The following MAN1C1 variants were observed in gnomAD, a reference collection of about 807,000 sequenced individuals.
MAN1C1 encodes the protein mannosyl-oligosaccharide 1,2-alpha-mannosidase IC.
Under a neutral mutation model 71.5 loss-of-function variants are expected in MAN1C1, and 49 were observed. The ratio of observed to expected loss-of-function variants is 0.69; its 90% confidence interval spans 0.54 to 0.87. The LOEUF is 0.87. Among genes scored for constraint, MAN1C1 ranks in the 40% least tolerant of loss-of-function variants. The probability of loss-of-function intolerance (pLI) is 0.00; values close to 1 mark genes in which losing one functional copy is unlikely to be tolerated. For missense variants in MAN1C1, 743 were observed against 835.0 expected, an observed-to-expected ratio of 0.89 and a Z score of 1.36; for synonymous variants, 352 against 343.7, an observed-to-expected ratio of 1.02 and a Z score of -0.27.
intron 2 of MAN1C1, among the ~76,000 whole-genome samples, chr1:25,742,736 A>G (rs997901898): frequency 7.9e-5 from 12 of 152,192 alleles, no homozygotes; most frequent in Non-Finnish European, 1.6e-4. Context: ...GGCTTGCCCT[A>G]TTGCACAGCT....
At position 25,753,872 on chromosome 1, in the gene MAN1C1, C is replaced by T. The variant is rs2047250272; in HGVS notation, c.929+294C>T. 6.6e-6 allele frequency among the ~76,000 whole-genome samples: 1 copy of T among 152,200 alleles called. No individual in the cohort carries two copies. Among genetic ancestry groups the T allele is most frequent in the Non-Finnish European group, 1.5e-5 (1 of 68,034 alleles). Reference sequence around the variant, plus strand: ...AACCTGGGTGTCAGGGTTTAGTCCACATAAGCCTGAGCCTCCTGGGGTGGG... The same window carrying T: ...AACCTGGGTGTCAGGGTTTAGTCCATATAAGCCTGAGCCTCCTGGGGTGGG... On this transcript the variant is annotated intron_variant, in intron 5 of 11. Coordinates refer to ENST00000374332, the MANE Select transcript of MAN1C1 (RefSeq NM_020379.4). The surrounding 1 kb of genome is among the most constrained non-coding windows in gnomAD (Gnocchi z 4.9).
intron 1 of MAN1C1, among the ~76,000 whole-genome samples, chr1:25,623,195 T>G (rs2045241191): frequency 6.6e-6 from 1 of 152,132 alleles, no homozygotes; most frequent in Non-Finnish European, 1.5e-5. Flanking sequence ...GCCATACGCC[T>G]CCTCCTTCCG....
At chr1:25,703,680 TA>T (rs1233940027) in intron 2 of MAN1C1, among the ~76,000 whole-genome samples, 3 of 150,996 alleles carry the variant, frequency 2.0e-5, no homozygotes, top group East Asian at 1.9e-4. Flanking sequence ...AAACTCTGTC[TA>T]AAAAAAAAGA....
intron 4 of MAN1C1, among the ~76,000 whole-genome samples, chr1:25,752,206 T>A (rs2047225488): frequency 6.6e-6 from 1 of 152,058 alleles, no homozygotes; most frequent in Non-Finnish European, 1.5e-5. Flanking sequence ...TTTCTCTACA[T>A]CCTCTCATTT....
intron 2 of MAN1C1, among the ~76,000 whole-genome samples, chr1:25,691,869 T>C (rs985727746): frequency 6.6e-6 from 1 of 152,198 alleles, no homozygotes; most frequent in Admixed American, 6.5e-5. Context: ...CTCCTGCCAA[T>C]GGCCAATGGG....
chr1:25,763,495 A>G, intron 6 of MAN1C1: 1 of 184,788 alleles, frequency 5.4e-6, no homozygotes, highest in African/African-American at 2.4e-5. Flanking sequence ...TCAAAAAAAA[A>G]AAAAAAAAAA....
At chr1:25,744,027 C>T (rs1368131561) in intron 2 of MAN1C1, among the ~76,000 whole-genome samples, 9 of 152,210 alleles carry the variant, frequency 5.9e-5, no homozygotes, top group Non-Finnish European at 1.0e-4. Context: ...GTCCCATCCC[C>T]TCTCTGAGGT....
At chr1:25,645,779 C>T (rs2045604331) in intron 1 of MAN1C1, 1 of 152,258 alleles carries the variant, frequency 6.6e-6, no homozygotes, top group Non-Finnish European at 1.5e-5. Context: ...TCCAGATTTC[C>T]CCGATATCTG....
At chr1:25,685,076 G>C (rs1178552067) in intron 1 of MAN1C1, among the ~76,000 whole-genome samples, 6 of 152,216 alleles carry the variant, frequency 3.9e-5, no homozygotes, top group African/African-American at 1.4e-4. Context: ...GGCTTGGAGA[G>C]CCAGTATTTT....
At chr1:25,751,746 G>T (rs893601802) in intron 4 of MAN1C1, among the ~76,000 whole-genome samples, 8 of 152,220 alleles carry the variant, frequency 5.3e-5, no homozygotes, top group Non-Finnish European at 1.0e-4. Flanking sequence ...ATTTGCAGAT[G>T]AGGAAACTGA....
chr1:25,643,196 T>A (rs1440425627), intron 1 of MAN1C1, among the ~76,000 whole-genome samples: 1 of 151,828 alleles, frequency 6.6e-6, no homozygotes. Context: ...ATCCTCTTAT[T>A]TTGTCTGGCT....
chr1:25,756,336 G>A lies in MAN1C1; in HGVS notation c.930-2256G>A, dbSNP rs78257674. 1.6e-3 allele frequency among the ~76,000 whole-genome samples: 241 copies of A among 152,320 alleles called. 2 individuals are homozygous for A. Among genetic ancestry groups the A allele is most frequent in the African/African-American group, 5.6e-3 (233 of 41,582 alleles). ...GGAAGCTGGGCAGGAGAGGAAAGGC[G>A]CCCAGCCACCTGCCTGCCTCTGCCC... On this transcript the variant is annotated intron_variant, in intron 5 of 11. Transcript: ENST00000374332.
intron 1 of MAN1C1, among the ~76,000 whole-genome samples, chr1:25,680,417 A>G (rs138046995): frequency 1.1e-4 from 16 of 152,312 alleles, no homozygotes; most frequent in African/African-American, 3.8e-4. Context: ...TCAATTGTAG[A>G]AAAATTTCAT....
intron 8 of MAN1C1, chr1:25,772,114 C>A: frequency 3.9e-6 from 1 of 258,618 alleles, no homozygotes; most frequent in Non-Finnish European, 7.4e-6. Flanking sequence ...GTATCAGAGC[C>A]CAGAGTGCAG....
chr1:25,686,735 G>T (rs1193056470), intron 2 of MAN1C1, among the ~76,000 whole-genome samples, 199 bp downstream of exon 2: 3 of 152,108 alleles, frequency 2.0e-5, no homozygotes, highest in Admixed American at 2.0e-4. Context: ...AATCCTATAT[G>T]CTTCTCTCTA....
At chr1:25,720,174 A>G (rs1248417777) in intron 2 of MAN1C1, among the ~76,000 whole-genome samples, 1 of 151,918 alleles carries the variant, frequency 6.6e-6, no homozygotes, top group Non-Finnish European at 1.5e-5. Flanking sequence ...TTGTCTTTAG[A>G]GAAATGTATA....
intron 2 of MAN1C1, among the ~76,000 whole-genome samples, chr1:25,688,655 A>G (rs2046266920): frequency 6.6e-6 from 1 of 152,218 alleles, no homozygotes; most frequent in Non-Finnish European, 1.5e-5. Flanking sequence ...AGAACCCGGA[A>G]TTAGAATCAG....
chr1:25,691,685 C>T (rs1236966957), intron 2 of MAN1C1, among the ~76,000 whole-genome samples: 1 of 152,212 alleles, frequency 6.6e-6, no homozygotes, highest in African/African-American at 2.4e-5. Flanking sequence ...TTTCCCAGCC[C>T]TGATTCCCCC....
chr1:25,777,702 C>T, intron 8 of MAN1C1: 1 of 174,376 alleles, frequency 5.7e-6, no homozygotes, highest in Non-Finnish European at 1.2e-5. Context: ...GCACATCCAC[C>T]AGAAAGTGTT....
Sources: gnomAD v4.1 joint callset for allele counts (sites outside exome capture counted in the v4.1 genomes callset) on GRCh38, gnomAD v4.1.1 for gene constraint, Gnocchi (gnomAD v3.1) non-coding constraint, MANE v1.5 for transcripts, NCBI Gene and HGNC (gene_info 2026-07-23, HGNC 2026-07-21) for gene names.